ICA1: variants seen among roughly 807,000 people sequenced by gnomAD.
ICA1 encodes the protein 69 kDa islet cell autoantigen.
In ICA1, 40 loss-of-function variants were observed where a neutral mutation model predicts 71.0. That is an observed-to-expected ratio of 0.56 (90% CI 0.44 to 0.73). The LOEUF is 0.73. Among genes scored for constraint, ICA1 ranks in the 30% least tolerant of loss-of-function variants. The pLI, the probability that ICA1 is intolerant of heterozygous loss-of-function variation, is 0.00. For missense variants in ICA1, 578 were observed against 576.5 expected (o/e 1.00, Z -0.03); for synonymous variants, 207 against 209.5 (o/e 0.99, Z 0.10).
In ICA1 at chr7:8,157,440, C is replaced by G. The variant is rs547633514; in HGVS notation, c.706-226G>C. On this transcript the variant is annotated intron_variant, in intron 7 of 13. Transcript: ENST00000402384. ...CCCAGAACTCATGCTGCTCCCACCA[C>G]CTGGGACATTCTCCTCTCCATTCTC... The G allele has an allele frequency of 3.7e-4, 183 of 488,584 alleles. 2 individuals carry two copies. In the South Asian group the frequency reaches 6.5e-3, roughly 17 times the overall value. 30.3% of individuals were successfully genotyped at this position (488,584 alleles called of 1,614,324 possible). A position where few individuals can be genotyped will look rare whatever the true frequency, so the allele number is the denominator to read the frequency against.
At position 8,250,261 on chromosome 7, in the gene ICA1, T is replaced by C. The variant is rs1807704629; in HGVS notation, c.-80+11833A>G. ...TTATGGAGAGAAGTGTATTTGAGTA[T>C]AAATATTAAAATAGTTTCAGTAGAA... On this transcript the variant is annotated intron_variant, in intron 1 of 13. Coordinates refer to ENST00000402384, the MANE Select transcript of ICA1 (RefSeq NM_001136020.3). 2.6e-5 allele frequency among the ~76,000 whole-genome samples: 4 copies of C among 152,340 alleles called. No homozygotes were observed. The South Asian group carries it at 8.3e-4, about 32-fold the overall frequency.
intron 6 of ICA1, among the ~76,000 whole-genome samples, chr7:8,203,294 T>C (rs1790372888): frequency 1.3e-5 from 2 of 152,050 alleles, no homozygotes; most frequent in Admixed American, 6.6e-5. Flanking sequence ...GGAAATCCAG[T>C]GGTTTAAGTG....
intron 1 of ICA1, among the ~76,000 whole-genome samples, chr7:8,258,132 G>A (rs950828527): frequency 6.6e-6 from 1 of 152,180 alleles, no homozygotes. Flanking sequence ...ATTACCACCT[G>A]TGTCTCTATC....
chr7:8,183,855 G>T lies in ICA1; in HGVS notation c.580-25203C>A, dbSNP rs188524279. Among the ~76,000 whole-genome samples the T allele has an allele frequency of 5.3e-5, 8 of 152,258 alleles. No individual in the cohort carries two copies. The East Asian group carries it at 7.7e-4, about 15-fold the overall frequency. ...CATTCAAAAGCTACAGATAAGGCAT[G>T]ATCTCTACTCTTAAGGAAATTTCAA... On this transcript the variant is annotated intron_variant, in intron 6 of 13. Transcript: ENST00000402384.
At chr7:8,156,739 TA>T in intron 8 of ICA1, 1 of 1,233,556 alleles carries the variant, frequency 8.1e-7, no homozygotes, top group Non-Finnish European at 1.1e-6. Context: ...TAATTAAAAG[TA>T]ACTGAGTTTA....
chr7:8,139,199 C>T, intron 10 of ICA1, 152 bp from the exon 11 acceptor site: 1 of 592,224 alleles, frequency 1.7e-6, no homozygotes, highest in Non-Finnish European at 3.0e-6. Flanking sequence ...ACACTGGACT[C>T]CTGCTATCAG....
In ICA1 at chr7:8,253,882, C is replaced by A. The variant is rs552696018; in HGVS notation, c.-80+8212G>T. Among the ~76,000 whole-genome samples the A allele has an allele frequency of 4.6e-5, 7 of 152,166 alleles. No homozygotes were observed. The South Asian group carries it at 6.2e-4, about 14-fold the overall frequency. On this transcript the variant is annotated intron_variant, in intron 1 of 13. Coordinates refer to ENST00000402384, the MANE Select transcript of ICA1 (RefSeq NM_001136020.3). ...TAATAATAACAGTGTGAAGGAAGAA[C>A]CAAGAGTATGAATGTGGGGACTATA...
In ICA1 at chr7:8,175,329, A is replaced by C. The variant is rs544645475; in HGVS notation, c.580-16677T>G. 1.9e-3 allele frequency among the ~76,000 whole-genome samples: 293 copies of C among 152,306 alleles called. 1 individual carries two copies. The highest frequency in any genetic ancestry group is 6.6e-3 in the African/African-American group (275 of 41,554). On this transcript the variant is annotated intron_variant, in intron 6 of 13. Transcript: ENST00000402384. ...AATCATCAGTATTTTGCCAAAAACA[A>C]GGAAGATGTGGTTGTCATTTTACTT...
At chr7:8,202,662 C>G (rs1467870369) in intron 6 of ICA1, among the ~76,000 whole-genome samples, 1 of 152,156 alleles carries the variant, frequency 6.6e-6, no homozygotes, top group South Asian at 2.1e-4. Context: ...TTATATCACC[C>G]TTGACTTTTT....
intron 7 of ICA1, 23 bp downstream of exon 7, chr7:8,158,504 T>C: frequency 1.2e-6 from 2 of 1,613,080 alleles, no homozygotes; most frequent in Non-Finnish European, 1.7e-6. Context: ...CTTGGTTCAT[T>C]GCAACAAACA....
At chr7:8,140,690 T>C (rs1034901473) in intron 10 of ICA1, among the ~76,000 whole-genome samples, 1 of 152,202 alleles carries the variant, frequency 6.6e-6, no homozygotes, top group Admixed American at 6.5e-5. Context: ...GTTGAACAAA[T>C]GAACAAGTGC....
chr7:8,218,251 C>A (rs1795976567), intron 6 of ICA1, 54 bp downstream of exon 6: 3 of 1,486,302 alleles, frequency 2.0e-6, no homozygotes, highest in Non-Finnish European at 1.9e-6. Context: ...TCAAATCACA[C>A]CTCATTACCT....
chr7:8,244,110 G>A (rs1805001651), intron 1 of ICA1, among the ~76,000 whole-genome samples: 2 of 152,070 alleles, frequency 1.3e-5, no homozygotes, highest in African/African-American at 4.8e-5. Context: ...AGACAATCCT[G>A]GGCAAGAAGA....
chr7:8,130,959 C>T lies in ICA1; in HGVS notation c.1061-2817G>A, dbSNP rs1025711101. Among the ~76,000 whole-genome samples, 2 of 152,140 alleles carry T rather than the reference C, an allele frequency of 1.3e-5. No homozygotes were observed. The highest frequency in any genetic ancestry group is 4.8e-5 in the African/African-American group (2 of 41,404). The stretch of plus-strand genomic sequence containing the variant: ...TTCTCCATGTGATCCTGGTGAGATG[C>T]CTCTGGAAATGACTCCTTACCCTCC... On this transcript the variant is annotated intron_variant, in intron 12 of 13. Transcript: ENST00000402384. The surrounding 1 kb of genome is among the most constrained non-coding windows in gnomAD (Gnocchi z 4.2).
At chr7:8,255,027 A>C (rs1350954266) in intron 1 of ICA1, among the ~76,000 whole-genome samples, 2 of 152,158 alleles carry the variant, frequency 1.3e-5, no homozygotes, top group African/African-American at 2.4e-5. Context: ...CTTTGGAGCT[A>C]TCCAGAATCA....
chr7:8,152,658 A>ACTATCACCATCACCATCACCT (rs1562700849), intron 8 of ICA1, among the ~76,000 whole-genome samples: 4 of 143,302 alleles, frequency 2.8e-5, no homozygotes, highest in Non-Finnish European at 6.2e-5. Flanking sequence ...CACCACCACC[A>ACTATCACCATCACCATCACCT]CCACCACCAC....
intron 13 of ICA1, among the ~76,000 whole-genome samples, chr7:8,124,123 T>A (rs941409383): frequency 6.4e-5 from 9 of 140,384 alleles, no homozygotes; most frequent in African/African-American, 2.5e-4. Context: ...TTTTTTTTTT[T>A]TTTTTTTTTT....
At chr7:8,199,133 T>TA (rs1444582466) in intron 6 of ICA1, among the ~76,000 whole-genome samples, 1 of 152,208 alleles carries the variant, frequency 6.6e-6, no homozygotes, top group Non-Finnish European at 1.5e-5. Flanking sequence ...GGAACCCTGA[T>TA]AAATCAGTAC....
At chr7:8,248,781 T>C (rs925157163) in intron 1 of ICA1, among the ~76,000 whole-genome samples, 13 of 152,136 alleles carry the variant, frequency 8.5e-5, no homozygotes, top group African/African-American at 3.1e-4. Flanking sequence ...AGTCTGGCAA[T>C]GATGTGGGTG....
Sources: allele counts gnomAD v4.1 joint callset (sites outside exome capture counted in the v4.1 genomes callset), GRCh38; gene constraint gnomAD v4.1.1; non-coding constraint Gnocchi (gnomAD v3.1); transcripts MANE v1.5; gene names NCBI Gene and HGNC (gene_info 2026-07-23, HGNC 2026-07-21).